DPP6: variants seen among roughly 807,000 people sequenced by gnomAD.
The protein encoded by DPP6 is A-type potassium channel modulatory protein DPP6.
A neutral mutation model predicts 122.6 loss-of-function variants in DPP6; 69 were observed. That is an observed-to-expected ratio of 0.56 (90% CI 0.46 to 0.69). The LOEUF (loss-of-function observed/expected upper bound fraction) is 0.69, where lower values mean the gene tolerates loss of function less well. Ranked by LOEUF, DPP6 falls within the 30% of genes least tolerant of loss-of-function variation. The pLI, the probability that DPP6 is intolerant of heterozygous loss-of-function variation, is 0.00. For synonymous variants in DPP6, 418 were observed against 433.1 expected (o/e 0.97, Z 0.43); for missense variants, 928 against 1,116.9 (o/e 0.83, Z 2.41).
chr7:154,854,127 G>T (rs937416050), intron 17 of DPP6, among the ~76,000 whole-genome samples: 25 of 152,298 alleles, frequency 1.6e-4, no homozygotes, highest in Admixed American at 3.9e-4. Context: ...AAAAGGCTTT[G>T]TAGCCTCACA....
At chr7:154,236,278 A>G (rs1307078068) in intron 1 of DPP6, among the ~76,000 whole-genome samples, 1 of 152,214 alleles carries the variant, frequency 6.6e-6, no homozygotes, top group Non-Finnish European at 1.5e-5. Flanking sequence ...AAACACCCTT[A>G]AAAGCTAAAT....
chr7:154,751,767 G>A (rs149339906), intron 8 of DPP6, among the ~76,000 whole-genome samples: 223 of 152,302 alleles, frequency 1.5e-3, no homozygotes, highest in Middle Eastern at 0.014. Context: ...CCGAGGCAGG[G>A]ACGGATAGGA....
intron 7 of DPP6, among the ~76,000 whole-genome samples, chr7:154,692,309 A>G (rs1351308079): frequency 6.6e-6 from 1 of 152,312 alleles, no homozygotes; most frequent in East Asian, 1.9e-4. Flanking sequence ...AATCCATAAA[A>G]TGAGGAAGAT....
intron 1 of DPP6, among the ~76,000 whole-genome samples, chr7:154,363,316 A>G (rs1811891519): frequency 6.6e-6 from 1 of 152,200 alleles, no homozygotes; most frequent in East Asian, 1.9e-4. Context: ...ATGAGTTACT[A>G]GAACAGGAAT....
intron 3 of DPP6, among the ~76,000 whole-genome samples, chr7:154,536,900 C>T (rs1828303733): frequency 6.6e-6 from 1 of 152,166 alleles, no homozygotes; most frequent in Non-Finnish European, 1.5e-5. Flanking sequence ...AAATTAGATT[C>T]CTACCTCACA....
At chr7:153,958,963 T>G (rs1488021291) in intron 1 of DPP6, among the ~76,000 whole-genome samples, 1 of 152,058 alleles carries the variant, frequency 6.6e-6, no homozygotes, top group Admixed American at 6.6e-5. Flanking sequence ...AATCTTTACC[T>G]GCTTGGCAGA....
intron 6 of DPP6, among the ~76,000 whole-genome samples, chr7:154,649,546 G>T (rs559968915): frequency 2.6e-5 from 4 of 152,230 alleles, no homozygotes; most frequent in East Asian, 1.9e-4. Context: ...CCTGCCCTCC[G>T]CCCGGTCACT....
At chr7:154,735,205 C>G (rs577181840) in intron 8 of DPP6, among the ~76,000 whole-genome samples, 1 of 152,320 alleles carries the variant, frequency 6.6e-6, no homozygotes, top group Non-Finnish European at 1.5e-5. Flanking sequence ...CAAGAGCCTT[C>G]TGTCCACGTT....
chr7:154,340,072 C>G (rs528647124), intron 1 of DPP6, among the ~76,000 whole-genome samples: 2 of 151,440 alleles, frequency 1.3e-5, no homozygotes, highest in South Asian at 4.2e-4. Flanking sequence ...GACTCCACCT[C>G]GCAAAGAAAA....
At chr7:154,280,671 A>G (rs1009676274) in intron 1 of DPP6, among the ~76,000 whole-genome samples, 1 of 152,226 alleles carries the variant, frequency 6.6e-6, no homozygotes, top group Non-Finnish European at 1.5e-5. Flanking sequence ...TAATAAGAAC[A>G]TATTTGCAGG....
At chr7:153,757,775 T>C in the DPP6 span, among the ~76,000 whole-genome samples, 2 of 152,142 alleles carry the variant, frequency 1.3e-5, no homozygotes, top group South Asian at 2.1e-4. Context: ...TTGGCCAACA[T>C]GGCGAAACCC....
At chr7:154,289,658 A>G (rs1805077428) in intron 1 of DPP6, among the ~76,000 whole-genome samples, 1 of 152,220 alleles carries the variant, frequency 6.6e-6, no homozygotes, top group Non-Finnish European at 1.5e-5. Context: ...TCATAAATAA[A>G]CTGCGTGTGC....
chr7:153,925,667 G>T (rs1265542549), intron 1 of DPP6, among the ~76,000 whole-genome samples: 1 of 152,144 alleles, frequency 6.6e-6, no homozygotes, highest in Non-Finnish European at 1.5e-5. Context: ...CATGGTGGAG[G>T]GTCCCTGAGG....
intron 7 of DPP6, among the ~76,000 whole-genome samples, chr7:154,724,192 T>C (rs888054268): frequency 6.6e-6 from 1 of 152,118 alleles, no homozygotes; most frequent in Non-Finnish European, 1.5e-5. Flanking sequence ...ATGTAATATG[T>C]ATCAAAATCT....
At chr7:154,036,446 A>G (rs1183058921) in intron 1 of DPP6, among the ~76,000 whole-genome samples, 1 of 146,950 alleles carries the variant, frequency 6.8e-6, no homozygotes, top group East Asian at 2.0e-4. Flanking sequence ...TAGAAAGTGG[A>G]AGAAACTGAG....
intron 2 of DPP6, among the ~76,000 whole-genome samples, chr7:154,470,771 G>A (rs1242169938): frequency 1.3e-5 from 2 of 152,176 alleles, no homozygotes; most frequent in Non-Finnish European, 2.9e-5. Context: ...AGGGCTGGAA[G>A]GAACTTTATT....
At chr7:154,118,778 A>C (rs1807194476) in intron 1 of DPP6, among the ~76,000 whole-genome samples, 1 of 146,986 alleles carries the variant, frequency 6.8e-6, no homozygotes, top group Admixed American at 6.9e-5. Flanking sequence ...CGTGCTTTCC[A>C]GACAAATCTC....
rs77234875 is a variant in DPP6 at position 154,887,419 on chromosome 7, T to C, written c.2246-257T>C. ...ACTGGGTTTTGCTTAATTAAGGTTC[T>C]GCGATGCTGATGAAAATTGCAACAC... is the stretch of plus-strand genomic sequence containing the variant. On this transcript the variant is annotated intron_variant, in intron 22 of 25. Transcript: ENST00000377770. Among the ~76,000 whole-genome samples the C allele has an allele frequency of 5.4e-3, 821 of 152,362 alleles. 3 individuals are homozygous for C. Among genetic ancestry groups the C allele is most frequent in the African/African-American group, 0.019 (776 of 41,580 alleles).
chr7:154,876,448 G>A (rs1275715425), intron 20 of DPP6: 1 of 216,980 alleles, frequency 4.6e-6, no homozygotes, highest in Non-Finnish European at 9.0e-6. Context: ...AAGGGGAGGA[G>A]AGAAGAGATC....
Sources: allele counts gnomAD v4.1 joint callset (sites outside exome capture counted in the v4.1 genomes callset), GRCh38; gene constraint gnomAD v4.1.1; transcripts MANE v1.5; gene names NCBI Gene and HGNC (gene_info 2026-07-23, HGNC 2026-07-21).